UROS: variants seen among roughly 807,000 people sequenced by gnomAD.
UROS encodes the protein uroporphyrinogen III synthase.
UROS carries 18 observed loss-of-function variants against 33.0 expected under a neutral mutation model. The ratio of observed to expected loss-of-function variants is 0.55; its 90% CI spans 0.38 to 0.81. UROS has a LOEUF of 0.81. Among genes scored for constraint, UROS ranks in the 30% least tolerant of loss-of-function variants. The pLI is 0.00. For synonymous variants in UROS, 114 were observed against 121.1 expected (o/e 0.94, Z 0.38); for missense variants, 293 against 314.9 (o/e 0.93, Z 0.53).
intron 9 of UROS, chr10:125,794,435 T>C: frequency 1.2e-6 from 1 of 863,718 alleles, no homozygotes; most frequent in Non-Finnish European, 1.4e-6. Context: ...TCATAATAAA[T>C]ACAGTCCCTA....
In UROS at chr10:125,823,227, G is replaced by C. The variant is rs1027490700; in HGVS notation, c.-225C>G. On this transcript the variant is annotated 5_prime_UTR_variant, in exon 1 of 10. Coordinates refer to ENST00000368797, the MANE Select transcript of UROS (RefSeq NM_000375.3). ...CGCACCTCAGACTGGGGTCGCGTGG[G>C]TGGCTGCGCGCAGCTAGGCGCTCGC... The C allele has an allele frequency of 2.1e-5, 5 of 233,220 alleles. No individual in the cohort carries two copies. The highest frequency in any genetic ancestry group is 4.2e-5 in the Non-Finnish European group (5 of 119,260). 14.4% of individuals were successfully genotyped at this position (233,220 alleles called of 1,614,324 possible). A position where few individuals can be genotyped will look rare whatever the true frequency, so the allele number is the denominator to read the frequency against.
intron 9 of UROS, chr10:125,791,675 T>C (rs1243451717): frequency 1.3e-5 from 2 of 152,220 alleles, no homozygotes; most frequent in African/African-American, 4.8e-5. Context: ...ACAGCATGGA[T>C]GAACCTTGAA....
intron 6 of UROS, chr10:125,802,542 A>C (rs1851932341): frequency 1.0e-6 from 1 of 1,000,236 alleles, no homozygotes; most frequent in South Asian, 4.4e-5. Flanking sequence ...TGGTGCATGG[A>C]GAGGCCTCTT....
chr10:125,802,429 G>T (rs1297502055), intron 6 of UROS: 10 of 986,326 alleles, frequency 1.0e-5, no homozygotes, highest in African/African-American at 1.7e-5. Context: ...AATCCAGTCT[G>T]GAACATTCCA....
chr10:125,806,724 C>T (rs1455469066), intron 6 of UROS, among the ~76,000 whole-genome samples: 2 of 152,146 alleles, frequency 1.3e-5, no homozygotes, highest in East Asian at 1.9e-4. Flanking sequence ...CTTACACCTA[C>T]AGCAGAGGAG....
intron 6 of UROS, among the ~76,000 whole-genome samples, chr10:125,800,615 G>A (rs1564784988): frequency 1.3e-5 from 2 of 149,902 alleles, no homozygotes; most frequent in Non-Finnish European, 3.0e-5. Context: ...AGGCTGGAGT[G>A]CAGTGGTGCA....
chr10:125,822,244 G>C (rs976350552), intron 1 of UROS, among the ~76,000 whole-genome samples: 3 of 152,120 alleles, frequency 2.0e-5, no homozygotes, highest in Non-Finnish European at 4.4e-5. Flanking sequence ...CTCTGCAGTT[G>C]GCCGCAGTCC....
chr10:125,812,924 T>C (rs1852939857), intron 4 of UROS, among the ~76,000 whole-genome samples: 2 of 152,232 alleles, frequency 1.3e-5, no homozygotes, highest in Admixed American at 6.5e-5. Context: ...TGGGCATTCA[T>C]TACATTTTTA....
chr10:125,806,375 C>T (rs1251849387), intron 6 of UROS, among the ~76,000 whole-genome samples: 1 of 152,164 alleles, frequency 6.6e-6, no homozygotes, highest in Admixed American at 6.5e-5. Flanking sequence ...GGCATATACC[C>T]CTCTCCTGGG....
At chr10:125,787,228 C>G (rs768176748), downstream of UROS, among the ~76,000 whole-genome samples, 29 of 152,198 alleles carry the variant, frequency 1.9e-4, no homozygotes, top group Non-Finnish European at 3.8e-4. Context: ...TCCCCTACCC[C>G]GAGGCTCTGA....
At chr10:125,806,059 C>A (rs1184004594) in intron 6 of UROS, among the ~76,000 whole-genome samples, 1 of 152,054 alleles carries the variant, frequency 6.6e-6, no homozygotes, top group African/African-American at 2.4e-5. Context: ...GAAAAAGACG[C>A]AGGACTTTCT....
At chr10:125,789,211 C>T (rs1850749247) in intron 9 of UROS, 1 of 1,439,944 alleles carries the variant, frequency 6.9e-7, no homozygotes, top group Non-Finnish European at 9.1e-7. Flanking sequence ...TCTCATCAGT[C>T]TGCCACCCTG....
chr10:125,790,368 C>T (rs1490749947), intron 9 of UROS, among the ~76,000 whole-genome samples: 2 of 152,096 alleles, frequency 1.3e-5, no homozygotes. Context: ...TGAATTAAAG[C>T]AACACTAAAT....
In UROS at chr10:125,815,077, C is replaced by T. The variant is rs1853182695; in HGVS notation, c.201G>A (p.Val67=). 1 of 1,614,166 alleles carries T rather than the reference C, an allele frequency of 6.2e-7. No individual in the cohort carries two copies. Among genetic ancestry groups the T allele is most frequent in the East Asian group, 2.2e-5 (1 of 44,878 alleles). ...GGLIFTSPRA[V]EAAELCLEQN... ...GCTCCAAACATAACTCTGCTGCTTCCACTGCTCTGGGGCTGGTAAAAATGA... is the reference window on the plus strand; with the variant it reads ...GCTCCAAACATAACTCTGCTGCTTCTACTGCTCTGGGGCTGGTAAAAATGA... Residue 67 remains valine (V), a synonymous_variant, in exon 4 of 10, where the codon GTG becomes GTA. Transcript: ENST00000368797.
At chr10:125,786,532 G>C (rs924718058), downstream of UROS, among the ~76,000 whole-genome samples, 2 of 152,064 alleles carry the variant, frequency 1.3e-5, no homozygotes, top group African/African-American at 4.8e-5. Context: ...CCACAGTGCT[G>C]GGATTACAGG....
At chr10:125,820,553 T>C (rs1354257277) in intron 1 of UROS, among the ~76,000 whole-genome samples, 1 of 152,144 alleles carries the variant, frequency 6.6e-6, no homozygotes, top group East Asian at 1.9e-4. Context: ...CAAGAAATAA[T>C]GTTTAACCAG....
chr10:125,822,129 C>T (rs1203313316), intron 1 of UROS, among the ~76,000 whole-genome samples: 1 of 152,108 alleles, frequency 6.6e-6, no homozygotes, highest in African/African-American at 2.4e-5. Flanking sequence ...CAATTGAGAA[C>T]CGCAGATCTT....
intron 4 of UROS, among the ~76,000 whole-genome samples, chr10:125,814,521 G>A (rs1285095067): frequency 6.6e-6 from 1 of 152,194 alleles, no homozygotes; most frequent in African/African-American, 2.4e-5. Context: ...ACATACAACA[G>A]GCACTCCATA....
downstream of UROS, among the ~76,000 whole-genome samples, chr10:125,787,375 C>A (rs1448083938): frequency 6.6e-6 from 1 of 152,170 alleles, no homozygotes; most frequent in East Asian, 1.9e-4. Context: ...CACTTCCGGG[C>A]TTGTCTTGCT....
Sources: gnomAD v4.1 joint callset for allele counts (sites outside exome capture counted in the v4.1 genomes callset) on GRCh38, gnomAD v4.1.1 for gene constraint, MANE v1.5 for transcripts, NCBI Gene and HGNC (gene_info 2026-07-23, HGNC 2026-07-21) for gene names.